Variants in TNKS observed in about 807,000 individuals in gnomAD.
The protein encoded by TNKS is poly [ADP-ribose] polymerase tankyrase-1.
In TNKS, 72 loss-of-function variants were observed where a neutral mutation model predicts 135.8. That is an observed-to-expected ratio of 0.53 (90% CI 0.44 to 0.64). The LOEUF is 0.64. TNKS is among the 30% of genes least tolerant of loss of function. The probability of loss-of-function intolerance (pLI) is 0.00; values close to 1 mark genes in which losing one functional copy is unlikely to be tolerated. For synonymous variants in TNKS, 849 were observed against 649.3 expected, an observed-to-expected ratio of 1.31 and a Z score of -4.68; for missense variants, 1,769 against 1,674.0, an observed-to-expected ratio of 1.06 and a Z score of -0.99.
intron 3 of TNKS, among the ~76,000 whole-genome samples, chr8:9,622,358 A>T (rs907560543): frequency 6.6e-6 from 1 of 152,216 alleles, no homozygotes; most frequent in Non-Finnish European, 1.5e-5. Context: ...TACAGTGACA[A>T]TAATAATAGC....
intron 17 of TNKS, among the ~76,000 whole-genome samples, chr8:9,740,549 C>T (rs934272032): frequency 1.3e-5 from 2 of 152,012 alleles, no homozygotes; most frequent in South Asian, 2.1e-4. Flanking sequence ...AGCAACAATC[C>T]GGTTTTTTGA....
At chr8:9,633,366 T>C (rs1266619368) in intron 3 of TNKS, among the ~76,000 whole-genome samples, 1 of 152,222 alleles carries the variant, frequency 6.6e-6, no homozygotes, top group East Asian at 1.9e-4. Context: ...AAATACACAA[T>C]AGAGTATTTT....
chr8:9,616,577 G>A (rs1799653746), intron 3 of TNKS, among the ~76,000 whole-genome samples: 1 of 152,172 alleles, frequency 6.6e-6, no homozygotes, highest in African/African-American at 2.4e-5. Context: ...AGTCCATGGT[G>A]TGAAAATTTA....
At chr8:9,730,160 C>T (rs1201734317) in intron 13 of TNKS, among the ~76,000 whole-genome samples, 2 of 152,140 alleles carry the variant, frequency 1.3e-5, no homozygotes, top group Non-Finnish European at 2.9e-5. Context: ...TCATTCCTTC[C>T]ATGGCATCCT....
chr8:9,767,808 A>C lies in TNKS; in HGVS notation c.3740+1383A>C, dbSNP rs1807550309. On this transcript the variant is annotated intron_variant, in intron 25 of 26. Coordinates refer to ENST00000310430, the MANE Select transcript of TNKS (RefSeq NM_003747.3). ...CCCCGTCTCTACTAAAAATACAAAA[A>C]ATTAGCCGGGCGTGGTGGCAGGCGC... 2.0e-5 allele frequency among the ~76,000 whole-genome samples: 3 copies of C among 151,836 alleles called. No homozygotes were observed. In the South Asian group the frequency reaches 6.2e-4, roughly 32 times the overall value.
chr8:9,683,682 T>G (rs1446549170), intron 5 of TNKS, among the ~76,000 whole-genome samples: 4 of 150,630 alleles, frequency 2.7e-5, no homozygotes, highest in Non-Finnish European at 4.5e-5. Context: ...AGACTTTAGG[T>G]TTTTTTTTAA....
rs548146867 is a variant in TNKS, at chr8:9,711,147, G to C, written c.1749+927G>C. Among the ~76,000 whole-genome samples, 35 of 152,132 alleles carry C rather than the reference G, an allele frequency of 2.3e-4. No homozygotes were observed. In the South Asian group the frequency reaches 7.3e-3, roughly 32 times the overall value. On this transcript the variant is annotated intron_variant, in intron 11 of 26. Coordinates refer to ENST00000310430, the MANE Select transcript of TNKS (RefSeq NM_003747.3). ...CAAAGTAGGGTATAGACTCCCTATG[G>C]AGCATACAAGATGCCCTGTTGGAAA...
intron 2 of TNKS, among the ~76,000 whole-genome samples, chr8:9,607,631 A>T (rs964075793): frequency 6.6e-6 from 1 of 152,116 alleles, no homozygotes; most frequent in Non-Finnish European, 1.5e-5. Context: ...TATCAAAAAT[A>T]CTCGTTTCCT....
chr8:9,729,795 G>C (rs568573089), intron 13 of TNKS, among the ~76,000 whole-genome samples: 1 of 28,716 alleles, frequency 3.5e-5, no homozygotes, highest in South Asian at 9.4e-4. Context: ...TTTTTTTTGA[G>C]ATGGGGTCTC....
intron 21 of TNKS, among the ~76,000 whole-genome samples, 193 bp downstream of exon 21, chr8:9,761,829 C>G (rs1046132566): frequency 6.6e-6 from 1 of 152,174 alleles, no homozygotes; most frequent in Non-Finnish European, 1.5e-5. Context: ...TCTTCCCTGT[C>G]TCCCAACACT....
At position 9,733,448 on chromosome 8, in the gene TNKS, T is replaced by C. The variant is rs746050255; in HGVS notation, c.2313+4T>C. ...AATCTGCAAGCTCCTTTTAAAAGTA[T>C]GTAGTTTAAAAAGTTATGAAATATA... On this transcript the variant is annotated splice_donor_region_variant and intron_variant, in intron 15 of 26. Coordinates refer to ENST00000310430, the MANE Select transcript of TNKS (RefSeq NM_003747.3). 9.9e-6 allele frequency: 16 copies of C among 1,608,972 alleles called. No individual in the cohort carries two copies. Among genetic ancestry groups the C allele is most frequent in the Non-Finnish European group, 1.3e-5 (15 of 1,177,232 alleles).
At chr8:9,586,613 A>T (rs1798386049) in intron 2 of TNKS, among the ~76,000 whole-genome samples, 1 of 152,150 alleles carries the variant, frequency 6.6e-6, no homozygotes, top group South Asian at 2.1e-4. Flanking sequence ...AGTCAAATGT[A>T]ATATATCAAC....
At chr8:9,699,350 G>T (rs1247626716) in intron 5 of TNKS, among the ~76,000 whole-genome samples, 5 of 152,044 alleles carry the variant, frequency 3.3e-5, no homozygotes, top group African/African-American at 1.2e-4. Flanking sequence ...TGATTTTTTT[G>T]CTTTGGATCA....
At chr8:9,607,736 T>A (rs1585224186) in intron 2 of TNKS, among the ~76,000 whole-genome samples, 1 of 152,308 alleles carries the variant, frequency 6.6e-6, no homozygotes, top group Admixed American at 6.5e-5. Context: ...GTCTATGAAT[T>A]TGGGAGCCCT....
At chr8:9,612,833 A>T (rs1409686215) in intron 2 of TNKS, among the ~76,000 whole-genome samples, 2 of 137,884 alleles carry the variant, frequency 1.5e-5, no homozygotes, top group African/African-American at 2.8e-5. Context: ...CTTTTCGATA[A>T]CATAAACAGT....
chr8:9,570,606 A>G (rs960848452), intron 1 of TNKS, among the ~76,000 whole-genome samples: 1 of 152,210 alleles, frequency 6.6e-6, no homozygotes, highest in Non-Finnish European at 1.5e-5. Context: ...CCTTTAACCC[A>G]AAACAAAGGG....
chr8:9,770,483 A>C (rs1282751779), intron 26 of TNKS, among the ~76,000 whole-genome samples: 1 of 152,270 alleles, frequency 6.6e-6, no homozygotes, highest in East Asian at 1.9e-4. Flanking sequence ...CAGTGTGAAC[A>C]AGAGGGCAGC....
chr8:9,581,278 C>G (rs1191392194), intron 2 of TNKS, among the ~76,000 whole-genome samples: 1 of 152,156 alleles, frequency 6.6e-6, no homozygotes, highest in Non-Finnish European at 1.5e-5. Context: ...CAATATTCCT[C>G]AAATTATTGC....
At chr8:9,601,861 G>A (rs551456129) in intron 2 of TNKS, among the ~76,000 whole-genome samples, 6 of 152,048 alleles carry the variant, frequency 3.9e-5, no homozygotes, top group Non-Finnish European at 8.8e-5. Context: ...TATTTCTTAT[G>A]TTTAGAAACC....
Sources: gnomAD v4.1 joint callset for allele counts (sites outside exome capture counted in the v4.1 genomes callset) on GRCh38, gnomAD v4.1.1 for gene constraint, MANE v1.5 for transcripts, NCBI Gene and HGNC (gene_info 2026-07-23, HGNC 2026-07-21) for gene names.